CSMD1: variants seen among roughly 807,000 people sequenced by gnomAD.
CSMD1 encodes CUB and sushi domain-containing protein 1.
CSMD1 carries 213 observed loss-of-function variants against 417.5 expected under a neutral mutation model. That is an observed-to-expected ratio of 0.51 (90% CI 0.46 to 0.57). CSMD1 has a LOEUF of 0.57. Among genes scored for constraint, CSMD1 ranks in the 20% least tolerant of loss-of-function variants. The probability of loss-of-function intolerance (pLI) is 0.00; values close to 1 mark genes in which losing one functional copy is unlikely to be tolerated. For missense variants in CSMD1, 6,923 were observed against 4,529.7 expected (o/e 1.53, Z -15.17); for synonymous variants, 2,862 against 1,736.8 (o/e 1.65, Z -16.11).
At chr8:4,603,754 T>C (rs779623496) in intron 2 of CSMD1, among the ~76,000 whole-genome samples, 3 of 152,172 alleles carry the variant, frequency 2.0e-5, no homozygotes, top group Non-Finnish European at 4.4e-5. Flanking sequence ...CAATTTAGGA[T>C]GATTTTGGTG....
intron 1 of CSMD1, among the ~76,000 whole-genome samples, chr8:4,638,248 A>C (rs1321373514): frequency 1.3e-5 from 2 of 152,138 alleles, no homozygotes; most frequent in Non-Finnish European, 2.9e-5. Flanking sequence ...GTGGAAACTA[A>C]GTTACAGAAG....
intron 3 of CSMD1, among the ~76,000 whole-genome samples, chr8:4,406,947 G>A (rs1563140703): frequency 6.6e-6 from 1 of 152,186 alleles, no homozygotes; most frequent in African/African-American, 2.4e-5. Flanking sequence ...ACTTAAAAGG[G>A]AAGAGTATCT....
chr8:3,283,773 G>A (rs998121161), intron 26 of CSMD1, among the ~76,000 whole-genome samples: 8 of 152,278 alleles, frequency 5.3e-5, no homozygotes, highest in African/African-American at 1.7e-4. Flanking sequence ...GTTCCTCCCC[G>A]TTTATCACCA....
chr8:4,871,555 T>C (rs1038317465), intron 1 of CSMD1, among the ~76,000 whole-genome samples: 1 of 152,164 alleles, frequency 6.6e-6, no homozygotes, highest in African/African-American at 2.4e-5. Context: ...TTTGTTTTTA[T>C]GTTTTGCTTT....
At chr8:4,230,969 A>C (rs369540101) in intron 3 of CSMD1, among the ~76,000 whole-genome samples, 36 of 152,094 alleles carry the variant, frequency 2.4e-4, no homozygotes, top group Admixed American at 5.9e-4. Flanking sequence ...AGATTATTTC[A>C]TTTGCAACAT....
chr8:3,480,020 C>G (rs965235577), intron 11 of CSMD1, among the ~76,000 whole-genome samples: 1 of 152,030 alleles, frequency 6.6e-6, no homozygotes, highest in Non-Finnish European at 1.5e-5. Flanking sequence ...AACTTGAGAT[C>G]AATGGAATTC....
chr8:3,915,036 C>T (rs1261604183), intron 5 of CSMD1, among the ~76,000 whole-genome samples: 1 of 152,136 alleles, frequency 6.6e-6, no homozygotes, highest in Non-Finnish European at 1.5e-5. Context: ...TCTACAAACA[C>T]ATCCAGGGAT....
intron 8 of CSMD1, among the ~76,000 whole-genome samples, chr8:3,600,181 T>C (rs1463754048): frequency 6.6e-6 from 1 of 152,202 alleles, no homozygotes; most frequent in East Asian, 1.9e-4. Context: ...TGACAAACCA[T>C]TGCTTCCCGA....
At chr8:4,453,197 CCA>C (rs562108898) in intron 2 of CSMD1, among the ~76,000 whole-genome samples, 7 of 133,906 alleles carry the variant, frequency 5.2e-5, no homozygotes, top group South Asian at 2.6e-4. Flanking sequence ...ACAGACACAC[CCA>C]CACAGACACA....
At chr8:3,785,426 T>C (rs1799405199) in intron 5 of CSMD1, among the ~76,000 whole-genome samples, 1 of 152,202 alleles carries the variant, frequency 6.6e-6, no homozygotes, top group Non-Finnish European at 1.5e-5. Context: ...GCTAAGCAGC[T>C]GGGACCCAGC....
intron 49 of CSMD1, among the ~76,000 whole-genome samples, chr8:3,066,692 A>G (rs1289164684): frequency 1.3e-5 from 2 of 152,214 alleles, no homozygotes; most frequent in Non-Finnish European, 2.9e-5. Context: ...TGTAGATTCC[A>G]AACAGACTGA....
chr8:3,040,410 A>ATATATT (rs1229761160), intron 50 of CSMD1, among the ~76,000 whole-genome samples: 58 of 144,860 alleles, frequency 4.0e-4, no homozygotes, highest in Non-Finnish European at 6.3e-4. Flanking sequence ...ATATATATAT[A>ATATATT]TATAACAGAA....
chr8:3,626,626 C>T (rs1326707125), intron 7 of CSMD1, among the ~76,000 whole-genome samples: 1 of 151,476 alleles, frequency 6.6e-6, no homozygotes, highest in Non-Finnish European at 1.5e-5. Context: ...TGAGTCCCCA[C>T]AGAAAGTTTC....
chr8:3,616,636 A>C (rs780940594), intron 8 of CSMD1, 74 bp downstream of exon 8: 35 of 976,672 alleles, frequency 3.6e-5, no homozygotes, highest in Non-Finnish European at 5.5e-5. Flanking sequence ...AAAAGAGTTA[A>C]ATTTAACTGC....
At chr8:4,359,882 A>C (rs1325832297) in intron 3 of CSMD1, among the ~76,000 whole-genome samples, 1 of 152,218 alleles carries the variant, frequency 6.6e-6, no homozygotes, top group Non-Finnish European at 1.5e-5. Context: ...ACTAAATTCT[A>C]AACAGCCCCT....
Position 3,054,936 on chromosome 8 carries a change from C to G in CSMD1, c.7475-2289G>C, listed in dbSNP as rs528064487. ...ATGCAGTAAATGCCAGAGACCCATC[C>G]TTTCTTTTCTGTATCTCACAATGTT... On this transcript the variant is annotated intron_variant, in intron 49 of 69. Coordinates refer to ENST00000635120, the MANE Select transcript of CSMD1 (RefSeq NM_033225.6). Among the ~76,000 whole-genome samples the G allele has an allele frequency of 7.9e-5, 12 of 152,298 alleles. No homozygotes were observed. In the South Asian group the frequency reaches 2.3e-3, roughly 29 times the overall value.
intron 3 of CSMD1, among the ~76,000 whole-genome samples, chr8:4,187,706 G>A (rs1322966675): frequency 7.0e-6 from 1 of 143,866 alleles, no homozygotes; most frequent in African/African-American, 2.5e-5. Context: ...CATTCAGGAA[G>A]TTTATTCTAG....
chr8:3,307,356 C>T (rs1379360315), intron 25 of CSMD1, among the ~76,000 whole-genome samples: 1 of 152,078 alleles, frequency 6.6e-6, no homozygotes, highest in East Asian at 1.9e-4. Context: ...TCCTGGACTG[C>T]TCATCCCCAG....
chr8:3,591,237 C>T (rs2449178), intron 8 of CSMD1, among the ~76,000 whole-genome samples: 55,936 of 152,014 alleles, frequency 0.37, 11,117 homozygotes, highest in Middle Eastern at 0.45. Flanking sequence ...AAAATTTTGA[C>T]TTTTCAATTA....
Sources: gnomAD v4.1 joint callset for allele counts (sites outside exome capture counted in the v4.1 genomes callset) on GRCh38, gnomAD v4.1.1 for gene constraint, MANE v1.5 for transcripts, NCBI Gene and HGNC (gene_info 2026-07-23, HGNC 2026-07-21) for gene names.